The following DLGAP1 variants were observed in gnomAD, a reference collection of about 807,000 sequenced individuals.
DLGAP1 encodes the protein disks large-associated protein 1.
A neutral mutation model predicts 90.8 loss-of-function variants in DLGAP1; 11 were observed. The observed-to-expected ratio is 0.12, with a 90% CI of 0.08 to 0.20. The LOEUF is 0.20. Ranked by LOEUF, DLGAP1 falls within the 10% of genes least tolerant of loss-of-function variation. DLGAP1 has a pLI of 1.00. For synonymous variants in DLGAP1, 558 were observed against 540.7 expected, an observed-to-expected ratio of 1.03 and a Z score of -0.44; for missense variants, 1,050 against 1,333.8, an observed-to-expected ratio of 0.79 and a Z score of 3.31.
In DLGAP1 at chr18:3,874,606, G is replaced by A. The variant is rs746166320; in HGVS notation, c.957+4506C>T. 1.2e-4 allele frequency: 191 copies of A among 1,531,390 alleles called. No individual in the cohort carries two copies. The highest frequency in any genetic ancestry group is 1.5e-4 in the Non-Finnish European group (176 of 1,145,476). The allele number at this position is 1,531,390 out of a possible 1,614,324, so 94.9% of individuals were successfully genotyped here. A position where few individuals can be genotyped will look rare whatever the true frequency, so the allele number is the denominator to read the frequency against. Reference sequence around the variant, plus strand: ...CCTATTTTATTTATTTAACTATTAAGCACTTACCCTGAGATGTGCCATAAA... The same window carrying A: ...CCTATTTTATTTATTTAACTATTAAACACTTACCCTGAGATGTGCCATAAA... On this transcript the variant is annotated intron_variant, in intron 4 of 12. Transcript: ENST00000315677.
intron 1 of DLGAP1, among the ~76,000 whole-genome samples, chr18:4,214,758 C>A (rs2077917723): frequency 6.6e-6 from 1 of 152,102 alleles, no homozygotes; most frequent in South Asian, 2.1e-4. Flanking sequence ...AATTAATTAA[C>A]CTTAGCAGTG....
chr18:4,304,728 C>T (rs546785308), intron 1 of DLGAP1, among the ~76,000 whole-genome samples: 12 of 151,982 alleles, frequency 7.9e-5, no homozygotes, highest in African/African-American at 2.7e-4. Context: ...GTCAGGAGTT[C>T]GAGACCAGCC....
At chr18:3,695,689 CT>C (rs2061068203) in intron 7 of DLGAP1, among the ~76,000 whole-genome samples, 2 of 152,118 alleles carry the variant, frequency 1.3e-5, no homozygotes, top group South Asian at 4.1e-4. Flanking sequence ...TATATGGGCT[CT>C]TTTTTGGTTC....
intron 1 of DLGAP1, among the ~76,000 whole-genome samples, chr18:4,253,219 T>C (rs1379356249): frequency 1.3e-5 from 2 of 152,082 alleles, no homozygotes; most frequent in African/African-American, 4.8e-5. Context: ...GCCAATCAAC[T>C]CCATTCATCC....
At chr18:3,606,414 T>C (rs2057328191) in intron 7 of DLGAP1, 1 of 151,996 alleles carries the variant, frequency 6.6e-6, no homozygotes, top group African/African-American at 2.4e-5. Context: ...GTTGTATGAG[T>C]AGTAAGTCAA....
intron 2 of DLGAP1, among the ~76,000 whole-genome samples, chr18:4,114,765 GCCA>G (rs2076033467): frequency 6.6e-6 from 1 of 151,822 alleles, no homozygotes; most frequent in African/African-American, 2.4e-5. Context: ...TATTTATATG[GCCA>G]CTCTAGCTCT....
At position 3,653,151 on chromosome 18, in the gene DLGAP1, G is replaced by A. The variant is rs974450926; in HGVS notation, c.1592-70903C>T. Among the ~76,000 whole-genome samples the A allele has an allele frequency of 6.6e-6, 1 of 152,202 alleles. No homozygotes were observed. The highest frequency in any genetic ancestry group is 6.5e-5 in the Admixed American group (1 of 15,280). ...ACCTAACATCTATCTCCCTGCTCCAGTTTCAAGAGAAAAGACCTTATTCAG... is the reference window on the plus strand; with the variant it reads ...ACCTAACATCTATCTCCCTGCTCCAATTTCAAGAGAAAAGACCTTATTCAG... On this transcript the variant is annotated intron_variant, in intron 7 of 12. Coordinates refer to ENST00000315677, the MANE Select transcript of DLGAP1 (RefSeq NM_004746.4). The surrounding 1 kb of genome is among the most constrained non-coding windows in gnomAD (Gnocchi z 4.6).
chr18:4,281,862 C>T (rs368556429), intron 1 of DLGAP1, among the ~76,000 whole-genome samples: 29 of 152,098 alleles, frequency 1.9e-4, no homozygotes, highest in African/African-American at 3.6e-4. Context: ...TACCTATATA[C>T]TTCCTATGTT....
chr18:3,929,088 C>T (rs2072458562), intron 3 of DLGAP1, among the ~76,000 whole-genome samples: 1 of 152,196 alleles, frequency 6.6e-6, no homozygotes, highest in Non-Finnish European at 1.5e-5. Context: ...CCTGAGGTCT[C>T]CCAGCCATGG....
At chr18:3,973,332 A>AG (rs1328132456) in intron 3 of DLGAP1, among the ~76,000 whole-genome samples, 2 of 150,312 alleles carry the variant, frequency 1.3e-5, no homozygotes. Context: ...GCTTTTAATC[A>AG]GGTTGTAAGA....
At chr18:4,349,891 A>C (rs148183394) in intron 1 of DLGAP1, among the ~76,000 whole-genome samples, 555 of 152,320 alleles carry the variant, frequency 3.6e-3, no homozygotes, top group Middle Eastern at 0.014. Flanking sequence ...CAAGCTGTAC[A>C]CTTAAGATCC....
intron 3 of DLGAP1, among the ~76,000 whole-genome samples, chr18:3,907,179 C>A (rs1351531800): frequency 6.7e-6 from 1 of 149,608 alleles, no homozygotes; most frequent in Admixed American, 6.7e-5. Context: ...AATACCCCCC[C>A]AAATCGGGTG....
At chr18:3,967,705 A>G (rs1435146679) in intron 3 of DLGAP1, among the ~76,000 whole-genome samples, 1 of 152,224 alleles carries the variant, frequency 6.6e-6, no homozygotes, top group Non-Finnish European at 1.5e-5. Context: ...TCTGAAGCCC[A>G]TACTTGGTTA....
intron 8 of DLGAP1, among the ~76,000 whole-genome samples, chr18:3,575,715 G>A (rs1034306359): frequency 2.0e-5 from 3 of 152,044 alleles, no homozygotes; most frequent in South Asian, 4.2e-4. Flanking sequence ...TATCCTAAAG[G>A]TGCCTATGAC....
intron 7 of DLGAP1, among the ~76,000 whole-genome samples, chr18:3,663,610 C>CA (rs2059765463): frequency 6.6e-6 from 1 of 152,180 alleles, no homozygotes; most frequent in Non-Finnish European, 1.5e-5. Flanking sequence ...CCTGAACTGA[C>CA]ATGTAAGGAG....
At chr18:3,867,280 T>C (rs964562174) in intron 4 of DLGAP1, among the ~76,000 whole-genome samples, 23 of 152,306 alleles carry the variant, frequency 1.5e-4, no homozygotes, top group African/African-American at 3.4e-4. Flanking sequence ...CTGAGGGCCA[T>C]GGAAATGCCA....
In DLGAP1 at chr18:3,767,554, C is replaced by T. The variant is rs565421860; in HGVS notation, c.1173-25042G>A. On this transcript the variant is annotated intron_variant, in intron 5 of 12. Transcript: ENST00000315677. Reference sequence around the variant, plus strand: ...TATATAAAGAATTATACACCATGACCAAGTGGAATTTACTCCGCTTGGATG... The same window carrying T: ...TATATAAAGAATTATACACCATGACTAAGTGGAATTTACTCCGCTTGGATG... Among the ~76,000 whole-genome samples the T allele has an allele frequency of 1.2e-4, 18 of 152,070 alleles. No individual in the cohort carries two copies. In the South Asian group the frequency reaches 1.4e-3, roughly 12 times the overall value.
In DLGAP1 at chr18:3,581,962, G is replaced by A. The variant is rs758540559; in HGVS notation, c.1878C>T (p.Thr626=). 33 of 1,614,088 alleles carry A rather than the reference G, an allele frequency of 2.0e-5. No homozygotes were observed. The East Asian group carries it at 3.8e-4, about 19-fold the overall frequency. The change falls in exon 8 of 13, where the codon ACC becomes ACT. Residue 626 remains threonine, a synonymous_variant. Coordinates refer to ENST00000315677, the MANE Select transcript of DLGAP1 (RefSeq NM_004746.4). The part of the protein sequence containing the change: ...QHMGNNTATV[T]TTTTIATVTT... ...TGACGGTGGCTATGGTAGTCGTGGT[G>A]GTGACGGTGGCAGTGTTATTGCCCA...
At chr18:3,772,208 T>TTTTCTTTC (rs10623883) in intron 5 of DLGAP1, among the ~76,000 whole-genome samples, 2 of 147,120 alleles carry the variant, frequency 1.4e-5, no homozygotes, top group Admixed American at 1.4e-4. Flanking sequence ...TCTTCTCTCC[T>TTTTCTTTC]TTTCTTTCTC....
Sources: allele counts gnomAD v4.1 joint callset (sites outside exome capture counted in the v4.1 genomes callset), GRCh38; gene constraint gnomAD v4.1.1; non-coding constraint Gnocchi (gnomAD v3.1); transcripts MANE v1.5; gene names NCBI Gene and HGNC (gene_info 2026-07-23, HGNC 2026-07-21).